FGF7: variants seen among roughly 807,000 people sequenced by gnomAD.
FGF7 encodes the protein fibroblast growth factor 7, also known as FGF-7.
Under a neutral mutation model 20.5 loss-of-function variants are expected in FGF7, and 6 were observed. That is an observed-to-expected ratio of 0.29 (90% CI 0.16 to 0.58). The LOEUF (loss-of-function observed/expected upper bound fraction) is 0.58, where lower values mean the gene tolerates loss of function less well. Among genes scored for constraint, FGF7 ranks in the 20% least tolerant of loss-of-function variants. FGF7 has a pLI of 0.90. For synonymous variants in FGF7, 64 were observed against 74.7 expected, an observed-to-expected ratio of 0.86 and a Z score of 0.74; for missense variants, 144 against 228.8, an observed-to-expected ratio of 0.63 and a Z score of 2.39.
At chr15:49,450,128 C>T (rs149114212) in intron 2 of FGF7, among the ~76,000 whole-genome samples, 1 of 152,136 alleles carries the variant, frequency 6.6e-6, no homozygotes, top group Non-Finnish European at 1.5e-5. Context: ...TGCCTTCTTA[C>T]AGGGAAATTC....
intron 2 of FGF7, among the ~76,000 whole-genome samples, chr15:49,451,968 A>T (rs1007950634): frequency 6.6e-6 from 1 of 152,134 alleles, no homozygotes; most frequent in African/African-American, 2.4e-5. Flanking sequence ...AAAAAATGCT[A>T]TTTGAGAAAC....
At chr15:49,474,646 T>G (rs1412803766) in intron 2 of FGF7, among the ~76,000 whole-genome samples, 1 of 152,040 alleles carries the variant, frequency 6.6e-6, no homozygotes, top group Non-Finnish European at 1.5e-5. Context: ...CCCCAACCCC[T>G]GGGCTGGGGA....
intron 2 of FGF7, among the ~76,000 whole-genome samples, chr15:49,445,325 T>C (rs2052089882): frequency 6.6e-6 from 1 of 151,684 alleles, no homozygotes; most frequent in African/African-American, 2.4e-5. Context: ...TTTAAGTCCA[T>C]GAGTATTCAA....
In FGF7 at chr15:49,487,857, C is replaced by A. The variant is rs1282915684; in HGVS notation, c.*3353C>A. The A allele has an allele frequency of 1.3e-5, 2 of 151,908 alleles. No homozygotes were observed. The highest frequency in any genetic ancestry group is 2.9e-5 in the Non-Finnish European group (2 of 67,896). The allele number at this position is 151,908 out of a possible 1,614,324, so 9.4% of individuals were successfully genotyped here. A position where few individuals can be genotyped will look rare whatever the true frequency, so the allele number is the denominator to read the frequency against. Reference sequence around the variant, plus strand: ...ACACCAGTAAGCAAAATTGATACATCAGAATGACTTGCAGGGCTTATCATG... The same window carrying A: ...ACACCAGTAAGCAAAATTGATACATAAGAATGACTTGCAGGGCTTATCATG... On this transcript the variant is annotated 3_prime_UTR_variant, in exon 4 of 4. Coordinates refer to ENST00000267843, the MANE Select transcript of FGF7 (RefSeq NM_002009.4).
intron 2 of FGF7, among the ~76,000 whole-genome samples, chr15:49,439,699 A>G (rs1404129558): frequency 6.6e-6 from 1 of 151,804 alleles, no homozygotes; most frequent in Non-Finnish European, 1.5e-5. Flanking sequence ...GGGTCTCCTC[A>G]GGAGGAACGT....
At chr15:49,449,996 G>A (rs183546836) in intron 2 of FGF7, among the ~76,000 whole-genome samples, 10 of 152,142 alleles carry the variant, frequency 6.6e-5, no homozygotes, top group Admixed American at 2.6e-4. Context: ...ACTGTGATGC[G>A]CCATTCATAC....
Position 49,486,693 on chromosome 15 carries a change from G to A in FGF7, c.*2189G>A, listed in dbSNP as rs1445180860. On this transcript the variant is annotated 3_prime_UTR_variant, in exon 4 of 4. Coordinates refer to ENST00000267843, the MANE Select transcript of FGF7 (RefSeq NM_002009.4). ...TACTTCCATCAAATTACATAGCAAT[G>A]CTGAATTAGGCAAAACCAACATTTA... is the stretch of plus-strand genomic sequence containing the variant. 6.6e-6 allele frequency: 1 copy of A among 151,910 alleles called. No individual in the cohort carries two copies. Among genetic ancestry groups the A allele is most frequent in the Non-Finnish European group, 1.5e-5 (1 of 67,888 alleles). 9.4% of individuals were successfully genotyped at this position (151,910 alleles called of 1,614,324 possible). A position where few individuals can be genotyped will look rare whatever the true frequency, so the allele number is the denominator to read the frequency against.
At chr15:49,427,287 T>C (rs1196844644) in intron 2 of FGF7, among the ~76,000 whole-genome samples, 2 of 152,040 alleles carry the variant, frequency 1.3e-5, no homozygotes, top group Non-Finnish European at 2.9e-5. Flanking sequence ...TTGTTTACAT[T>C]CCTCAATCAT....
In FGF7 at chr15:49,488,380, T is replaced by G. The variant is rs1318362347; in HGVS notation, c.*3876T>G. On this transcript the variant is annotated 3_prime_UTR_variant, in exon 4 of 4. Transcript: ENST00000267843. ...ATATACTCCCACCTATCCTTTAATT[T>G]TGAATGGTTTGTCAGGAAAATTTAC... 6.6e-6 allele frequency: 1 copy of G among 151,982 alleles called. No individual in the cohort carries two copies. The highest frequency in any genetic ancestry group is 6.6e-5 in the Admixed American group (1 of 15,216). 9.4% of individuals were successfully genotyped at this position (151,982 alleles called of 1,614,324 possible). A position where few individuals can be genotyped will look rare whatever the true frequency, so the allele number is the denominator to read the frequency against.
intron 2 of FGF7, among the ~76,000 whole-genome samples, chr15:49,448,519 C>A (rs2151871814): frequency 6.6e-6 from 1 of 151,510 alleles, no homozygotes; most frequent in East Asian, 1.9e-4. Flanking sequence ...AAACTCCTAA[C>A]ATAAGTTAAT....
chr15:49,451,431 C>A (rs16962490), intron 2 of FGF7, among the ~76,000 whole-genome samples: 1 of 151,774 alleles, frequency 6.6e-6, no homozygotes, highest in Non-Finnish European at 1.5e-5. Flanking sequence ...GAAGTCTATG[C>A]ATTGCTGACA....
At chr15:49,481,085 G>A (rs1185431629) in intron 2 of FGF7, among the ~76,000 whole-genome samples, 3 of 152,124 alleles carry the variant, frequency 2.0e-5, no homozygotes, top group African/African-American at 7.2e-5. Flanking sequence ...TAAATAAAGG[G>A]AGGAATGGCA....
intron 2 of FGF7, among the ~76,000 whole-genome samples, chr15:49,441,735 C>A (rs1311698612): frequency 9.9e-5 from 15 of 151,256 alleles, no homozygotes; most frequent in Non-Finnish European, 3.0e-5. Context: ...AATTCTTATT[C>A]TTTATTACAC....
At chr15:49,480,644 G>C (rs1321820550) in intron 2 of FGF7, among the ~76,000 whole-genome samples, 1 of 151,940 alleles carries the variant, frequency 6.6e-6, no homozygotes, top group South Asian at 2.1e-4. Flanking sequence ...ACCACACCCG[G>C]ATAATTTTTT....
At chr15:49,465,379 G>A (rs2054177353) in intron 2 of FGF7, among the ~76,000 whole-genome samples, 1 of 150,134 alleles carries the variant, frequency 6.7e-6, no homozygotes, top group African/African-American at 2.5e-5. Flanking sequence ...CAAGTGATCT[G>A]CCCACCTCGG....
Position 49,435,682 on chromosome 15 carries a change from T to C in FGF7, c.286+11099T>C, listed in dbSNP as rs192212440. Reference sequence around the variant, plus strand: ...AAGATGGCCAGATATTGAATAATAATAGATACCCCAAAGAAGATGAGCATA... The same window carrying C: ...AAGATGGCCAGATATTGAATAATAACAGATACCCCAAAGAAGATGAGCATA... On this transcript the variant is annotated intron_variant, in intron 2 of 3. Coordinates refer to ENST00000267843, the MANE Select transcript of FGF7 (RefSeq NM_002009.4). 1.9e-3 allele frequency among the ~76,000 whole-genome samples: 285 copies of C among 151,674 alleles called. 2 individuals are homozygous for C. The highest frequency in any genetic ancestry group is 0.014 in the Middle Eastern group (4 of 294).
intron 2 of FGF7, among the ~76,000 whole-genome samples, chr15:49,482,825 T>G (rs1214210614): frequency 1.3e-5 from 2 of 152,050 alleles, no homozygotes; most frequent in African/African-American, 2.4e-5. Context: ...TGGTATGAGT[T>G]CAATAAACAT....
At chr15:49,423,995 C>T (rs931570271) in intron 1 of FGF7, 37 bp from the exon 2 acceptor site, 7 of 272,476 alleles carry the variant, frequency 2.6e-5, no homozygotes, top group Non-Finnish European at 4.8e-5. Flanking sequence ...CTTCCTCTCT[C>T]CTCCCCTCCC....
Position 49,484,252 on chromosome 15 carries a change from A to G in FGF7, c.391-58A>G. On this transcript the variant is annotated intron_variant, in intron 3 of 3. Coordinates refer to ENST00000267843, the MANE Select transcript of FGF7 (RefSeq NM_002009.4). Reference sequence around the variant, plus strand: ...AATATTACCTGCTTACTCTTCGTTTAATTGAGCCTCTCTAAAAATCATTTG... The same window carrying G: ...AATATTACCTGCTTACTCTTCGTTTGATTGAGCCTCTCTAAAAATCATTTG... 3 of 1,287,934 alleles carry G rather than the reference A, an allele frequency of 2.3e-6. No individual in the cohort carries two copies. In the South Asian group the frequency reaches 3.9e-5, roughly 17 times the overall value. 79.8% of individuals were successfully genotyped at this position (1,287,934 alleles called of 1,614,324 possible).
Sources: gnomAD v4.1 joint callset for allele counts (sites outside exome capture counted in the v4.1 genomes callset) on GRCh38, gnomAD v4.1.1 for gene constraint, MANE v1.5 for transcripts, NCBI Gene and HGNC (gene_info 2026-07-23, HGNC 2026-07-21) for gene names.